FRMD3: variants seen among roughly 807,000 people sequenced by gnomAD.
FRMD3 encodes FERM domain-containing protein 3.
In FRMD3, 33 loss-of-function variants were observed where a neutral mutation model predicts 70.2. The observed-to-expected ratio is 0.47, with a 90% CI of 0.36 to 0.63. The LOEUF (loss-of-function observed/expected upper bound fraction) is 0.63. Ranked by LOEUF, FRMD3 falls within the 20% of genes least tolerant of loss-of-function variation. The pLI is 0.00. For missense variants in FRMD3, 632 were observed against 711.4 expected (o/e 0.89, Z 1.27); for synonymous variants, 279 against 255.9 (o/e 1.09, Z -0.86).
intron 1 of FRMD3, among the ~76,000 whole-genome samples, chr9:83,443,104 A>G (rs1345728071): frequency 6.6e-6 from 1 of 152,110 alleles, no homozygotes; most frequent in Non-Finnish European, 1.5e-5. Context: ...AATGATTCTT[A>G]TTATCTTTCA....
intron 13 of FRMD3, among the ~76,000 whole-genome samples, chr9:83,258,712 C>G (rs930886578): frequency 3.9e-5 from 6 of 152,182 alleles, no homozygotes; most frequent in Admixed American, 3.9e-4. Flanking sequence ...AACTCTAAAC[C>G]CACATGGCAA....
In FRMD3 at chr9:83,538,078, C is replaced by T. The variant is rs775156528; in HGVS notation, c.147+7G>A. On this transcript the variant is annotated splice_region_variant and intron_variant, in intron 1 of 13. Transcript: ENST00000304195. The surrounding 1 kb of genome is among the most constrained non-coding windows in gnomAD (Gnocchi z 4.7). ...TGCCCCGCGCCCTCGCCCGGTTCCA[C>T]GCGCACCTGGATGTGGCAGGAGATC... 14 of 1,611,586 alleles carry T rather than the reference C, an allele frequency of 8.7e-6. No homozygotes were observed. The highest frequency in any genetic ancestry group is 1.2e-5 in the Non-Finnish European group (14 of 1,178,384).
chr9:83,467,951 C>A (rs1828173420), intron 1 of FRMD3, among the ~76,000 whole-genome samples: 1 of 151,884 alleles, frequency 6.6e-6, no homozygotes, highest in Admixed American at 6.6e-5. Context: ...CAACATCAGA[C>A]AGGGATGGAT....
intron 1 of FRMD3, among the ~76,000 whole-genome samples, chr9:83,520,789 G>T (rs963180733): frequency 1.3e-5 from 2 of 151,948 alleles, no homozygotes; most frequent in African/African-American, 4.8e-5. Flanking sequence ...CTCTCTAGCT[G>T]GGCTCATGAC....
rs1409644876 is a variant in FRMD3 at position 83,378,618 on chromosome 9, T to A, written c.253-5663A>T. 1.5e-5 allele frequency among the ~76,000 whole-genome samples: 2 copies of A among 130,986 alleles called. 1 individual carries two copies. The highest frequency in any genetic ancestry group is 4.0e-4 in the East Asian group (2 of 4,982). The allele number at this position is 130,986 out of a possible 152,430, so 85.9% of individuals were successfully genotyped here. A position where few individuals can be genotyped will look rare whatever the true frequency, so the allele number is the denominator to read the frequency against. On this transcript the variant is annotated intron_variant, in intron 2 of 13. Transcript: ENST00000304195. ...ATATACATATAAAATTTATATATAT[T>A]ATACATAATTTATATATATAATTTA...
At chr9:83,507,272 C>G (rs554010310) in intron 1 of FRMD3, among the ~76,000 whole-genome samples, 3 of 147,778 alleles carry the variant, frequency 2.0e-5, no homozygotes, top group Non-Finnish European at 4.4e-5. Context: ...GAGGCTGAGA[C>G]AGGACAATTG....
At chr9:83,578,515 T>C in the FRMD3 span, among the ~76,000 whole-genome samples, 1 of 151,968 alleles carries the variant, frequency 6.6e-6, no homozygotes, top group African/African-American at 2.4e-5. Context: ...CAAGGATGGT[T>C]CAATATACAC....
intron 12 of FRMD3, among the ~76,000 whole-genome samples, chr9:83,292,959 T>A (rs1229284652): frequency 2.0e-5 from 3 of 152,228 alleles, no homozygotes; most frequent in African/African-American, 7.2e-5. Context: ...GACTCCTTTA[T>A]GTGCTGTAGC....
the FRMD3 span, among the ~76,000 whole-genome samples, chr9:83,572,214 A>C: frequency 6.6e-6 from 1 of 151,964 alleles, no homozygotes; most frequent in African/African-American, 2.4e-5. Flanking sequence ...GTAACAGCAC[A>C]TTTGTAGTCT....
chr9:83,280,256 C>T (rs1833928094), intron 13 of FRMD3, among the ~76,000 whole-genome samples: 1 of 152,088 alleles, frequency 6.6e-6, no homozygotes, highest in South Asian at 2.1e-4. Flanking sequence ...AAAGCTTGGC[C>T]CTCTCATTCT....
chr9:83,560,212 G>A, the FRMD3 span, among the ~76,000 whole-genome samples: 2 of 152,186 alleles, frequency 1.3e-5, no homozygotes, highest in Non-Finnish European at 2.9e-5. Flanking sequence ...AGAACAGGCA[G>A]CGTATCTTCC....
chr9:83,268,751 C>A (rs1252461550), intron 13 of FRMD3, among the ~76,000 whole-genome samples: 1 of 152,188 alleles, frequency 6.6e-6, no homozygotes, highest in Non-Finnish European at 1.5e-5. Context: ...GTGGGGCAGG[C>A]CATTTCCAGG....
intron 6 of FRMD3, among the ~76,000 whole-genome samples, chr9:83,321,778 G>C (rs1477144996): frequency 1.3e-5 from 2 of 152,102 alleles, no homozygotes; most frequent in Non-Finnish European, 2.9e-5. Context: ...GTGGGGTGTT[G>C]AACTTCCCAC....
intron 13 of FRMD3, among the ~76,000 whole-genome samples, chr9:83,273,857 C>A (rs148534514): frequency 0.014 from 2,131 of 152,184 alleles, 27 homozygotes; most frequent in Middle Eastern, 0.041. Context: ...GCTCTGTCAC[C>A]CAGGCTGGAG....
At chr9:83,391,997 G>A (rs1825678127) in intron 1 of FRMD3, among the ~76,000 whole-genome samples, 1 of 151,922 alleles carries the variant, frequency 6.6e-6, no homozygotes. Flanking sequence ...GCACATTGAA[G>A]TTTGAGAAGC....
At chr9:83,249,004 A>T (rs995317140) in intron 13 of FRMD3, among the ~76,000 whole-genome samples, 2 of 152,224 alleles carry the variant, frequency 1.3e-5, no homozygotes, top group Admixed American at 6.5e-5. Context: ...ATTTGCAATC[A>T]TATTATATAC....
At chr9:83,543,395 C>G (rs767283815), upstream of FRMD3, among the ~76,000 whole-genome samples, 3 of 152,148 alleles carry the variant, frequency 2.0e-5, no homozygotes, top group Non-Finnish European at 4.4e-5. Context: ...AAGAGCTCCT[C>G]TGCCCTCACA....
chr9:83,301,473 G>GT (rs199862325), intron 10 of FRMD3, among the ~76,000 whole-genome samples: 1,978 of 148,602 alleles, frequency 0.013, 38 homozygotes, highest in African/African-American at 0.045. Context: ...TTGTGTATGT[G>GT]TTTTTTTTTA....
intron 2 of FRMD3, among the ~76,000 whole-genome samples, chr9:83,388,355 A>G (rs956142482): frequency 1.3e-5 from 2 of 152,082 alleles, no homozygotes; most frequent in African/African-American, 4.8e-5. Flanking sequence ...GGAGGAGGAG[A>G]GCAAATTAAA....
Sources: gnomAD v4.1 joint callset for allele counts (sites outside exome capture counted in the v4.1 genomes callset) on GRCh38, gnomAD v4.1.1 for gene constraint, Gnocchi (gnomAD v3.1) non-coding constraint, MANE v1.5 for transcripts, NCBI Gene and HGNC (gene_info 2026-07-23, HGNC 2026-07-21) for gene names.